ZNF836: variants seen among roughly 807,000 people sequenced by gnomAD.
The protein encoded by ZNF836 is zinc finger protein 836.
ZNF836 carries 12 observed loss-of-function variants against 7.4 expected under a neutral mutation model. The observed-to-expected ratio is 1.61, with a 90% CI of 1.03 to 2.61. The LOEUF (loss-of-function observed/expected upper bound fraction) is 2.61, where lower values mean the gene tolerates loss of function less well. Ranked by LOEUF, ZNF836 falls within the 30% of genes most tolerant of loss-of-function variation. ZNF836 has a pLI of 0.00. For synonymous variants in ZNF836, 365 were observed against 382.6 expected (o/e 0.95, Z 0.54); for missense variants, 998 against 1,126.2 (o/e 0.89, Z 1.63).
rs757218173 is a variant in ZNF836, at chr19:52,157,164, G to C, written c.519C>G (p.Asn173Lys). 5.0e-6 allele frequency: 8 copies of C among 1,613,334 alleles called. No individual in the cohort carries two copies. In the South Asian group the frequency reaches 8.8e-5, roughly 18 times the overall value. ...ECNQSEKTVN[N>K]SSLVSPLQRI... Reference sequence around the variant, plus strand: ...TTTGAAGTGGTGAAACTAGGGAACTGTTATTAACTGTCTTCTCAGATTGGT... The same window carrying C: ...TTTGAAGTGGTGAAACTAGGGAACTCTTATTAACTGTCTTCTCAGATTGGT... The change falls in exon 5 of 5, where the codon AAC becomes AAG. Residue 173 changes from asparagine (N) to lysine (K), a missense_variant. Physicochemically the swap from Asn to Lys is moderately conservative, Grantham distance 94 (BLOSUM62 0). Coordinates refer to ENST00000682614, the MANE Select transcript of ZNF836 (RefSeq NM_001102657.3).
chr19:52,168,078 A>T lies in ZNF836; in HGVS notation c.-6T>A. ...TTTACCTGTGTAAGAGCCATCCCTG[A>T]CTCCTTTTCTTTCCTCTTCTTCCTC... is the stretch of plus-strand genomic sequence containing the variant. On this transcript the variant is annotated 5_prime_UTR_variant, in exon 3 of 5. Coordinates refer to ENST00000682614, the MANE Select transcript of ZNF836 (RefSeq NM_001102657.3). The T allele has an allele frequency of 6.2e-7, 1 of 1,610,544 alleles. No homozygotes were observed. The highest frequency in any genetic ancestry group is 8.5e-7 in the Non-Finnish European group (1 of 1,177,818).
At chr19:52,163,968 G>A (rs1026931842) in intron 3 of ZNF836, among the ~76,000 whole-genome samples, 14 of 143,834 alleles carry the variant, frequency 9.7e-5, no homozygotes, top group South Asian at 2.5e-4. Flanking sequence ...TAGATGGATC[G>A]TTCTACTGAA....
chr19:52,154,815 C>T lies in ZNF836; in HGVS notation c.*57G>A. The T allele has an allele frequency of 1.4e-6, 2 of 1,406,586 alleles. No individual in the cohort carries two copies. The highest frequency in any genetic ancestry group is 9.4e-7 in the Non-Finnish European group (1 of 1,062,260). The allele number at this position is 1,406,586 out of a possible 1,614,324, so 87.1% of individuals were successfully genotyped here. A position where few individuals can be genotyped will look rare whatever the true frequency, so the allele number is the denominator to read the frequency against. On this transcript the variant is annotated 3_prime_UTR_variant, in exon 5 of 5. Coordinates refer to ENST00000682614, the MANE Select transcript of ZNF836 (RefSeq NM_001102657.3). ...ACCTCCAATAAAGGGGATTAAAATT[C>T]CACATGAGATTTCAGACGGAAGTGA...
In ZNF836 at chr19:52,160,458, T is replaced by A. The variant is rs2089203169; in HGVS notation, c.142+7A>T. 1 of 1,613,972 alleles carries A rather than the reference T, an allele frequency of 6.2e-7. No individual in the cohort carries two copies. Among genetic ancestry groups the A allele is most frequent in the Non-Finnish European group, 8.5e-7 (1 of 1,180,012 alleles). On this transcript the variant is annotated splice_region_variant and intron_variant, in intron 4 of 4. Transcript: ENST00000682614. ...GATCTTAACTTCTAGAGCAAAATTA[T>A]CCTTACCCAGGAAGACCAGGTTCCT...
chr19:52,155,000 A>C lies in ZNF836; in HGVS notation c.2683T>G (p.Cys895Gly), dbSNP rs1365722770. 1.2e-6 allele frequency: 2 copies of C among 1,613,388 alleles called. No individual in the cohort carries two copies. The highest frequency in any genetic ancestry group is 1.7e-6 in the Non-Finnish European group (2 of 1,179,564). The change falls in exon 5 of 5, where the codon TGT becomes GGT. Residue 895 changes from cysteine (C) to glycine (G), a missense_variant. Transcript: ENST00000682614. ...GAGCGACTAATGAAAGATTTGCCAC[A>C]CTCATTACATTTATAAGGTTTTTCT... ...SGEKPYKCNECGKSFISRSGL... is the reference protein window; with the variant it reads ...SGEKPYKCNEGGKSFISRSGL...
chr19:52,160,370 A>G (rs770068277), intron 4 of ZNF836, 95 bp downstream of exon 4: 1 of 1,504,570 alleles, frequency 6.6e-7, no homozygotes, highest in Non-Finnish European at 9.2e-7. Flanking sequence ...CTTCAGTCTC[A>G]GTCAAATAAT....
intron 4 of ZNF836, among the ~76,000 whole-genome samples, chr19:52,159,031 G>C (rs1205852262): frequency 6.6e-6 from 1 of 152,182 alleles, no homozygotes; most frequent in Non-Finnish European, 1.5e-5. Flanking sequence ...GAAAGAGTTA[G>C]TCATGATACA....
Position 52,156,556 on chromosome 19 carries a change from T to C in ZNF836, c.1127A>G (p.His376Arg). ...TTTCTCTCCAGTGTGGATTCTCTGG[T>C]GATTTACAAGATTAGAATTCTGCCT... ...VFRQNSNLVN[H>R]QRIHTGEKPY... Residue 376 changes from histidine (H) to arginine (R), a missense_variant, in exon 5 of 5, where the codon CAC becomes CGC. His to Arg is a conservative substitution (Grantham distance 29, BLOSUM62 0). Coordinates refer to ENST00000682614, the MANE Select transcript of ZNF836 (RefSeq NM_001102657.3). 1 of 1,614,088 alleles carries C rather than the reference T, an allele frequency of 6.2e-7. No individual in the cohort carries two copies. Among genetic ancestry groups the C allele is most frequent in the South Asian group, 1.1e-5 (1 of 91,084 alleles).
At chr19:52,160,367 C>A in intron 4 of ZNF836, 98 bp downstream of exon 4, 1 of 1,493,786 alleles carries the variant, frequency 6.7e-7, no homozygotes, top group Non-Finnish European at 9.3e-7. Context: ...AGGCTTCAGT[C>A]TCAGTCAAAT....
chr19:52,162,461 G>A (rs2089220904), intron 3 of ZNF836, among the ~76,000 whole-genome samples: 1 of 152,238 alleles, frequency 6.6e-6, no homozygotes, highest in African/African-American at 2.4e-5. Context: ...TTAGCACTGT[G>A]TTGATGTTGC....
In ZNF836 at chr19:52,155,894, G is replaced by C. The variant is rs1402944189; in HGVS notation, c.1789C>G (p.Leu597Val). Reference protein sequence around the residue: ...CGTVFRNYSCLARHLRIHTGQ... With the variant: ...CGTVFRNYSCVARHLRIHTGQ... ...GTATGAATTCTTAGATGACGTGCTA[G>C]GCATGAGTAGTTCCTGAAGACTGTG... The change falls in exon 5 of 5, where the codon CTA (leucine) becomes GTA (valine). Residue 597 changes from leucine (L) to valine (V), a missense_variant. Transcript: ENST00000682614. 1 of 1,613,998 alleles carries C rather than the reference G, an allele frequency of 6.2e-7. No individual in the cohort carries two copies.
chr19:52,164,707 T>C (rs1265549238), intron 3 of ZNF836, among the ~76,000 whole-genome samples: 1 of 152,092 alleles, frequency 6.6e-6, no homozygotes, highest in Non-Finnish European at 1.5e-5. Context: ...ACCAAGAACA[T>C]ATGTATTCTG....
rs897545954 is a variant in ZNF836 at position 52,157,628 on chromosome 19, T to C, written c.143-88A>G. 8.7e-6 allele frequency: 11 copies of C among 1,270,890 alleles called. No individual in the cohort carries two copies. In the African/African-American group the frequency reaches 1.5e-4, roughly 18 times the overall value. 78.7% of individuals were successfully genotyped at this position (1,270,890 alleles called of 1,614,324 possible). On this transcript the variant is annotated intron_variant, in intron 4 of 4. Transcript: ENST00000682614. ...CTCTGTTGCCCAGGCTGGAGTGGAGTGGCACAATCTCAGCTCACTGTGACC... is the reference window on the plus strand; with the variant it reads ...CTCTGTTGCCCAGGCTGGAGTGGAGCGGCACAATCTCAGCTCACTGTGACC...
At chr19:52,164,625 G>C (rs1392435396) in intron 3 of ZNF836, among the ~76,000 whole-genome samples, 1 of 152,108 alleles carries the variant, frequency 6.6e-6, no homozygotes, top group Non-Finnish European at 1.5e-5. Context: ...TTTTGACAGG[G>C]AGAGAAACAA....
chr19:52,157,823 C>A lies in ZNF836; in HGVS notation c.143-283G>T, dbSNP rs536847666. On this transcript the variant is annotated intron_variant, in intron 4 of 4. Transcript: ENST00000682614. ...TGACCTCGTGATCCGCCCACCTCGG[C>A]CCCACAAAGTGCTGGGATTACAGGT... is the stretch of plus-strand genomic sequence containing the variant. Among the ~76,000 whole-genome samples, 8 of 152,184 alleles carry A rather than the reference C, an allele frequency of 5.3e-5. 1 individual carries two copies. Among genetic ancestry groups the A allele is most frequent in the African/African-American group, 1.9e-4 (8 of 41,530 alleles).
At position 52,157,540 on chromosome 19, in the gene ZNF836, C is replaced by T. The variant is rs1259985396; in HGVS notation, c.143G>A (p.Gly48Asp). 1.0e-5 allele frequency: 15 copies of T among 1,492,892 alleles called. No homozygotes were observed. Among genetic ancestry groups the T allele is most frequent in the Middle Eastern group, 1.8e-4 (1 of 5,628 alleles). 92.5% of individuals were successfully genotyped at this position (1,492,892 alleles called of 1,614,324 possible). The change falls in exon 5 of 5, where the codon GGT becomes GAT. Residue 48 changes from glycine to aspartate, a missense_variant and splice_region_variant. Gly to Asp is a moderately conservative substitution (Grantham distance 94, BLOSUM62 -1). Coordinates refer to ENST00000682614, the MANE Select transcript of ZNF836 (RefSeq NM_001102657.3). ...CTTGGTCATACATTTAGGAAGGATA[C>T]CTACAAAATATAATGAACATGGGAG... ...LENYRNLVFL[G>D]ILPKCMTKEL... is the part of the protein sequence containing the mutation.
chr19:52,158,805 T>A (rs2089188865), intron 4 of ZNF836, among the ~76,000 whole-genome samples: 1 of 152,026 alleles, frequency 6.6e-6, no homozygotes, highest in Admixed American at 6.6e-5. Context: ...TTTGCAACAC[T>A]AACAAGCAGT....
In ZNF836 at chr19:52,156,372, T is replaced by C; in HGVS notation, c.1311A>G (p.Thr437=). 6.2e-7 allele frequency: 1 copy of C among 1,614,174 alleles called. No individual in the cohort carries two copies. Residue 437 remains threonine, a synonymous_variant, in exon 5 of 5, where the codon ACA becomes ACG. Transcript: ENST00000682614. The part of the protein sequence containing the change: ...SSLTTHQIIH[T]GEKPYTCDVC... ...CATCACATGTATATGGTTTCTCTCCTGTATGGATTATCTGATGTGTAGTGA... is the reference window on the plus strand; with the variant it reads ...CATCACATGTATATGGTTTCTCTCCCGTATGGATTATCTGATGTGTAGTGA...
In ZNF836 at chr19:52,155,441, T is replaced by C. The variant is rs764092831; in HGVS notation, c.2242A>G (p.Met748Val). 12 of 1,614,066 alleles carry C rather than the reference T, an allele frequency of 7.4e-6. No homozygotes were observed. Among genetic ancestry groups the C allele is most frequent in the Middle Eastern group, 1.6e-4 (1 of 6,084 alleles). ...TYHQRRHTGEMPYKCIECGQV... is the reference protein window; with the variant it reads ...TYHQRRHTGEVPYKCIECGQV... ...CCACATTCAATACATTTGTATGGCA[T>C]CTCTCCAGTATGCCTTCTCTGATGG... Residue 748 changes from methionine to valine, a missense_variant, in exon 5 of 5, where the codon ATG becomes GTG. Physicochemically the swap from Met to Val is conservative, Grantham distance 21. Coordinates refer to ENST00000682614, the MANE Select transcript of ZNF836 (RefSeq NM_001102657.3).
Sources: gnomAD v4.1 joint callset for allele counts (sites outside exome capture counted in the v4.1 genomes callset) on GRCh38, gnomAD v4.1.1 for gene constraint, MANE v1.5 for transcripts, NCBI Gene and HGNC (gene_info 2026-07-23, HGNC 2026-07-21) for gene names.